The following TAFA2 variants were observed in gnomAD, a reference collection of about 807,000 sequenced individuals.
The protein encoded by TAFA2 is TAFA chemokine like family member 2.
In TAFA2, 7 loss-of-function variants were observed where a neutral mutation model predicts 18.8. The ratio of observed to expected loss-of-function variants is 0.37; its 90% CI spans 0.21 to 0.70. TAFA2 has a LOEUF of 0.70. Ranked by LOEUF, TAFA2 falls within the 30% of genes least tolerant of loss-of-function variation. The pLI is 0.53. For missense variants in TAFA2, 122 were observed against 158.1 expected (o/e 0.77, Z 1.23); for synonymous variants, 60 against 54.2 (o/e 1.11, Z -0.47).
At chr12:62,168,833 T>C (rs1405121608) in intron 1 of TAFA2, among the ~76,000 whole-genome samples, 1 of 150,862 alleles carries the variant, frequency 6.6e-6, no homozygotes, top group Non-Finnish European at 1.5e-5. Context: ...CAAGATGTTG[T>C]CAAAAACAAA....
chr12:62,095,497 G>A (rs1043284767), intron 1 of TAFA2, among the ~76,000 whole-genome samples: 2 of 152,104 alleles, frequency 1.3e-5, no homozygotes, highest in African/African-American at 2.4e-5. Context: ...ATAACATTAA[G>A]AAATTGCATA....
At chr12:62,183,687 T>A (rs1222211173) in intron 1 of TAFA2, among the ~76,000 whole-genome samples, 1 of 152,160 alleles carries the variant, frequency 6.6e-6, no homozygotes, top group Non-Finnish European at 1.5e-5. Context: ...ACCCAGTCAA[T>A]CTGTGGTATT....
intron 1 of TAFA2, chr12:62,135,873 A>G (rs916227646): frequency 6.6e-6 from 1 of 152,150 alleles, no homozygotes; most frequent in Non-Finnish European, 1.5e-5. Flanking sequence ...CTGATAAACA[A>G]CATAAATCTC....
intron 1 of TAFA2, among the ~76,000 whole-genome samples, chr12:62,122,830 T>C (rs531855005): frequency 3.3e-5 from 5 of 152,268 alleles, no homozygotes; most frequent in African/African-American, 1.2e-4. Flanking sequence ...CATAGGGGTA[T>C]GCAGCACACA....
intron 2 of TAFA2, among the ~76,000 whole-genome samples, chr12:61,806,734 A>C (rs1871629486): frequency 6.6e-6 from 1 of 152,198 alleles, no homozygotes; most frequent in Admixed American, 6.5e-5. Context: ...GATGGAGATG[A>C]GGAACTTGTT....
intron 1 of TAFA2, among the ~76,000 whole-genome samples, chr12:62,204,860 T>C (rs2062685167): frequency 6.6e-6 from 1 of 152,206 alleles, no homozygotes; most frequent in South Asian, 2.1e-4. Flanking sequence ...CCCAGTTCTA[T>C]GCCCTTGCTG....
intron 1 of TAFA2, among the ~76,000 whole-genome samples, chr12:62,199,259 G>C (rs1380302275): frequency 6.6e-6 from 1 of 152,100 alleles, no homozygotes; most frequent in Admixed American, 6.6e-5. Flanking sequence ...TTGTTACATA[G>C]GTAAACATGT....
Position 61,903,855 on chromosome 12 carries a change from C to A in TAFA2, c.-1-36429G>T, listed in dbSNP as rs55732719. Among the ~76,000 whole-genome samples the A allele has an allele frequency of 7.7e-3, 1,174 of 152,216 alleles. 11 individuals are homozygous for A. Among genetic ancestry groups the A allele is most frequent in the African/African-American group, 0.027 (1,133 of 41,546 alleles). On this transcript the variant is annotated intron_variant, in intron 1 of 4. Coordinates refer to ENST00000416284, the MANE Select transcript of TAFA2 (RefSeq NM_178539.5). The stretch of plus-strand genomic sequence containing the variant: ...CTTCTGAGAGAATTCAAGAGTAAAA[C>A]CCTCTTCTTTACAAAGTCAATTGTA...
intron 2 of TAFA2, among the ~76,000 whole-genome samples, chr12:61,816,397 C>A (rs974332745): frequency 6.6e-6 from 1 of 151,314 alleles, no homozygotes; most frequent in Admixed American, 6.6e-5. Context: ...TGTATATGTA[C>A]CACATTTTCT....
At chr12:62,193,118 C>A (rs2062634439), upstream of TAFA2, among the ~76,000 whole-genome samples, 1 of 152,126 alleles carries the variant, frequency 6.6e-6, no homozygotes, top group Admixed American at 6.5e-5. Flanking sequence ...AAGCGCTGTG[C>A]ATATGAGCTC....
chr12:62,200,083 G>C (rs1339145454), intron 1 of TAFA2, among the ~76,000 whole-genome samples: 1 of 152,030 alleles, frequency 6.6e-6, no homozygotes, highest in Non-Finnish European at 1.5e-5. Flanking sequence ...CAAGTCCTTT[G>C]CCCACTTTTT....
chr12:61,924,356 A>T (rs56090339), intron 1 of TAFA2, among the ~76,000 whole-genome samples: 7,230 of 152,300 alleles, frequency 0.047, 572 homozygotes, highest in African/African-American at 0.16. Flanking sequence ...CGGGTTACCC[A>T]CAAAGGGAAG....
rs564717771 is a variant in TAFA2, at chr12:61,871,712, T to C, written c.-1-4286A>G. Among the ~76,000 whole-genome samples the C allele has an allele frequency of 5.3e-5, 8 of 152,288 alleles. 1 individual carries two copies. Among genetic ancestry groups the C allele is most frequent in the African/African-American group, 1.7e-4 (7 of 41,556 alleles). ...AATCTCCTGGACTTTCTCCCACTCT[T>C]CTCTTCTGTTACATATTTCACTTAT... On this transcript the variant is annotated intron_variant, in intron 1 of 4. Transcript: ENST00000416284.
chr12:62,061,779 A>G (rs1303320201), intron 1 of TAFA2, among the ~76,000 whole-genome samples: 1 of 152,208 alleles, frequency 6.6e-6, no homozygotes, highest in Non-Finnish European at 1.5e-5. Flanking sequence ...TTGAATATTT[A>G]TTGAACATCT....
In TAFA2 at chr12:62,120,062, CA is replaced by C. The variant is rs964764295; in HGVS notation, c.-2+71196del. On this transcript the variant is annotated intron_variant, in intron 1 of 4. Coordinates refer to ENST00000416284, the MANE Select transcript of TAFA2 (RefSeq NM_178539.5). ...GGGGAAAAAGAGCGAAACTCCATCT[CA>C]AAAAAAAACATTAAAAAAAAAAGTA... is the stretch of plus-strand genomic sequence containing the variant. Among the ~76,000 whole-genome samples the C allele has an allele frequency of 4.1e-5, 6 of 146,722 alleles. No individual in the cohort carries two copies. In the South Asian group the frequency reaches 8.7e-4, roughly 21 times the overall value.
intron 1 of TAFA2, among the ~76,000 whole-genome samples, chr12:61,890,757 G>A (rs993738856): frequency 6.6e-6 from 1 of 152,116 alleles, no homozygotes; most frequent in Non-Finnish European, 1.5e-5. Context: ...GCTATAATAT[G>A]CCAGACTTCT....
chr12:62,088,168 C>A (rs1271189830), intron 1 of TAFA2, among the ~76,000 whole-genome samples: 2 of 152,042 alleles, frequency 1.3e-5, no homozygotes, highest in Non-Finnish European at 2.9e-5. Flanking sequence ...GCACTATTAA[C>A]AGTATTGTTA....
At chr12:61,929,860 A>G (rs1434009109) in intron 1 of TAFA2, among the ~76,000 whole-genome samples, 1 of 152,152 alleles carries the variant, frequency 6.6e-6, no homozygotes, top group Non-Finnish European at 1.5e-5. Context: ...TTGTAGGGAC[A>G]TGGATGAAGC....
intron 2 of TAFA2, among the ~76,000 whole-genome samples, chr12:61,861,891 A>T (rs948463428): frequency 2.6e-5 from 4 of 152,320 alleles, no homozygotes; most frequent in Admixed American, 2.6e-4. Context: ...AAAAGTTCTC[A>T]CTCAGACCAG....
Sources: gnomAD v4.1 joint callset for allele counts (sites outside exome capture counted in the v4.1 genomes callset) on GRCh38, gnomAD v4.1.1 for gene constraint, MANE v1.5 for transcripts, NCBI Gene and HGNC (gene_info 2026-07-23, HGNC 2026-07-21) for gene names.